Variants in QSOX1 observed in about 807,000 individuals in gnomAD.
QSOX1 encodes quiescin sulfhydryl oxidase 1.
A neutral mutation model predicts 76.1 loss-of-function variants in QSOX1; 40 were observed. That is an observed-to-expected ratio of 0.53 (90% CI 0.41 to 0.68). The LOEUF (loss-of-function observed/expected upper bound fraction) is 0.68, where lower values mean the gene tolerates loss of function less well. Ranked by LOEUF, QSOX1 falls within the 30% of genes least tolerant of loss-of-function variation. The probability of loss-of-function intolerance (pLI) is 0.00; values close to 1 mark genes in which losing one functional copy is unlikely to be tolerated. For synonymous variants in QSOX1, 392 were observed against 413.1 expected (o/e 0.95, Z 0.62); for missense variants, 931 against 974.3 (o/e 0.96, Z 0.59).
At chr1:180,183,252 C>T (rs1367163582) in intron 6 of QSOX1, among the ~76,000 whole-genome samples, 1 of 152,112 alleles carries the variant, frequency 6.6e-6, no homozygotes, top group Non-Finnish European at 1.5e-5. Flanking sequence ...GGGCAGCCCT[C>T]ACGCTGCTGC....
chr1:180,166,950 A>T (rs1662644738), intron 2 of QSOX1, among the ~76,000 whole-genome samples: 2 of 152,232 alleles, frequency 1.3e-5, no homozygotes, highest in Admixed American at 6.5e-5. Context: ...AACCACAGGT[A>T]GCTAAGAAGG....
chr1:180,196,842 G>A lies in QSOX1; in HGVS notation c.2049G>A (p.Glu683=), dbSNP rs767152786. 2 of 1,607,074 alleles carry A rather than the reference G, an allele frequency of 1.2e-6. No homozygotes were observed. The highest frequency in any genetic ancestry group is 3.4e-5 in the Admixed American group (2 of 59,630). Residue 683 remains glutamate (E), a synonymous_variant, in exon 12 of 12, where the codon GAG becomes GAA. Coordinates refer to ENST00000367602, the MANE Select transcript of QSOX1 (RefSeq NM_002826.5). The surrounding 1 kb of genome is among the most constrained non-coding windows in gnomAD (Gnocchi z 4.1). ...RSSKQLVDIP[E]GQLEARAGRG... Reference sequence around the variant, plus strand: ...CCAAGCAGCTGGTCGACATCCCTGAGGGCCAGCTGGAGGCCCGAGCTGGAC... The same window carrying A: ...CCAAGCAGCTGGTCGACATCCCTGAAGGCCAGCTGGAGGCCCGAGCTGGAC...
At chr1:180,189,492 G>A in intron 8 of QSOX1, 60 bp from the exon 9 acceptor site, 1 of 1,422,690 alleles carries the variant, frequency 7.0e-7, no homozygotes, top group Non-Finnish European at 9.3e-7. Flanking sequence ...ACCATCTGCA[G>A]GACGGGGAAC....
intron 8 of QSOX1, among the ~76,000 whole-genome samples, chr1:180,188,979 C>T (rs1321423063): frequency 1.3e-5 from 2 of 152,246 alleles, no homozygotes; most frequent in Admixed American, 6.5e-5. Flanking sequence ...AGTAGCTTTT[C>T]ATGCTCCTCA....
chr1:180,156,342 C>T (rs752659773), intron 1 of QSOX1, among the ~76,000 whole-genome samples: 11 of 152,208 alleles, frequency 7.2e-5, no homozygotes, highest in Non-Finnish European at 1.6e-4. Flanking sequence ...TGCTAGGTCG[C>T]TAGCACGGCC....
At position 180,190,513 on chromosome 1, in the gene QSOX1, G is replaced by A. The variant is rs376323339; in HGVS notation, c.1221G>A (p.Leu407=). Residue 407 remains leucine (L), a synonymous_variant, in exon 10 of 12, where the codon CTG becomes CTA. Transcript: ENST00000367602. ...EPHFRGFPCS[L]WVLFHFLTVQ... ...ATTTCCGGGGCTTTCCCTGCTCCCT[G>A]TGGGTCCTCTTCCACTTCTTGACTG... The A allele has an allele frequency of 4.3e-6, 7 of 1,614,090 alleles. No homozygotes were observed. In the African/African-American group the frequency reaches 6.7e-5, roughly 15 times the overall value.
intron 9 of QSOX1, 87 bp from the exon 10 acceptor site, chr1:180,190,335 CCTCATTTGTCT>C (rs1663277566): frequency 1.5e-6 from 2 of 1,347,954 alleles, no homozygotes; most frequent in Non-Finnish European, 2.1e-6. Context: ...GACTGAGGGA[CCTCATTTGTCT>C]TAGGGCTGTC....
chr1:180,181,735 G>A (rs1165512349), intron 5 of QSOX1, among the ~76,000 whole-genome samples: 1 of 152,142 alleles, frequency 6.6e-6, no homozygotes, highest in Non-Finnish European at 1.5e-5. Flanking sequence ...AAAATGTTAT[G>A]AGAAGGCCCT....
chr1:180,168,454 G>T (rs1662683996), intron 2 of QSOX1, among the ~76,000 whole-genome samples: 1 of 152,244 alleles, frequency 6.6e-6, no homozygotes, highest in African/African-American at 2.4e-5. Flanking sequence ...GGCACCCAGT[G>T]CCCAGTCCAT....
chr1:180,190,652 G>T, intron 10 of QSOX1, 72 bp downstream of exon 10: 1 of 1,436,284 alleles, frequency 7.0e-7, no homozygotes, highest in Non-Finnish European at 9.2e-7. Flanking sequence ...GGGAGAGGGG[G>T]CAGGGAAGCT....
intron 2 of QSOX1, among the ~76,000 whole-genome samples, chr1:180,170,077 C>T (rs1346888819): frequency 1.3e-5 from 2 of 152,104 alleles, no homozygotes; most frequent in Admixed American, 1.3e-4. Flanking sequence ...GGCAGAGGCT[C>T]ATGTTGAGGG....
In QSOX1 at chr1:180,154,920, A is replaced by G. The variant is rs1662334937; in HGVS notation, c.13A>G (p.Asn5Asp). The G allele has an allele frequency of 1.4e-6, 2 of 1,463,560 alleles. No homozygotes were observed. Among genetic ancestry groups the G allele is most frequent in the East Asian group, 2.9e-5 (1 of 34,974 alleles). The allele number at this position is 1,463,560 out of a possible 1,614,324, so 90.7% of individuals were successfully genotyped here. A position where few individuals can be genotyped will look rare whatever the true frequency, so the allele number is the denominator to read the frequency against. The change falls in exon 1 of 12, where the codon AAC becomes GAC. Residue 5 changes from asparagine to aspartate, a missense_variant. Transcript: ENST00000367602. The part of the protein sequence containing the change: MRRC[N>D]SGSGPPPSLL... ...CGCAGCGCCGAGGATGAGGAGGTGCAACAGCGGCTCCGGGCCGCCGCCGTC... is the reference window on the plus strand; with the variant it reads ...CGCAGCGCCGAGGATGAGGAGGTGCGACAGCGGCTCCGGGCCGCCGCCGTC...
chr1:180,178,790 G>A lies in QSOX1; in HGVS notation c.516-4G>A. ...AGAGTGACTGCCAGAATTGTCTCTT[G>A]CAGGCTGGAGGAGATTGATGGATTC... On this transcript the variant is annotated splice_polypyrimidine_tract_variant and splice_region_variant and intron_variant, in intron 4 of 11. Transcript: ENST00000367602. 1 of 1,613,090 alleles carries A rather than the reference G, an allele frequency of 6.2e-7. No individual in the cohort carries two copies. The highest frequency in any genetic ancestry group is 1.7e-5 in the Admixed American group (1 of 60,012).
chr1:180,172,629 C>T (rs1572043259), intron 2 of QSOX1, among the ~76,000 whole-genome samples: 1 of 152,214 alleles, frequency 6.6e-6, no homozygotes, highest in East Asian at 1.9e-4. Flanking sequence ...AAGCAATTCT[C>T]CTGCCTCAGT....
rs979127176 is a variant in QSOX1, at chr1:180,154,899, G to T, written c.-9G>T. 2.6e-5 allele frequency: 37 copies of T among 1,429,446 alleles called. No individual in the cohort carries two copies. The highest frequency in any genetic ancestry group is 6.0e-5 in the African/African-American group (4 of 66,766). 88.5% of individuals were successfully genotyped at this position (1,429,446 alleles called of 1,614,324 possible). A position where few individuals can be genotyped will look rare whatever the true frequency, so the allele number is the denominator to read the frequency against. On this transcript the variant is annotated 5_prime_UTR_variant, in exon 1 of 12. Transcript: ENST00000367602. ...GTGCTTGCGTGTGGTGGTGAGCGCA[G>T]CGCCGAGGATGAGGAGGTGCAACAG...
intron 2 of QSOX1, among the ~76,000 whole-genome samples, chr1:180,172,782 G>A (rs1178548260): frequency 6.6e-6 from 1 of 152,210 alleles, no homozygotes; most frequent in Admixed American, 6.5e-5. Flanking sequence ...GCCTCCCAAA[G>A]TGCTGGGATT....
Position 180,184,056 on chromosome 1 carries a change from G to A in QSOX1, c.887+6G>A. On this transcript the variant is annotated splice_donor_region_variant and intron_variant, in intron 7 of 11. Transcript: ENST00000367602. ...GTTTGGAAATTGGCAGATCGGTAAG[G>A]CTACGCCTGGTTCTCCTCACTTCTT... 6.2e-7 allele frequency: 1 copy of A among 1,613,992 alleles called. No individual in the cohort carries two copies. The highest frequency in any genetic ancestry group is 1.7e-5 in the Admixed American group (1 of 59,996).
rs1237550891 is a variant in QSOX1 at position 180,197,102 on chromosome 1, A to G, written c.*65A>G. On this transcript the variant is annotated 3_prime_UTR_variant, in exon 12 of 12. Coordinates refer to ENST00000367602, the MANE Select transcript of QSOX1 (RefSeq NM_002826.5). The stretch of plus-strand genomic sequence containing the variant: ...TAGGCACCTCAAGCCCCCTGACCCC[A>G]TTCCCTCCCCTCCCACCCCTTGCTC... The G allele has an allele frequency of 6.7e-7, 1 of 1,484,184 alleles. No individual in the cohort carries two copies. The highest frequency in any genetic ancestry group is 9.0e-7 in the Non-Finnish European group (1 of 1,106,140). 91.9% of individuals were successfully genotyped at this position (1,484,184 alleles called of 1,614,324 possible).
chr1:180,165,405 CT>C (rs1662590871), intron 1 of QSOX1, among the ~76,000 whole-genome samples: 1 of 152,244 alleles, frequency 6.6e-6, no homozygotes, highest in Admixed American at 6.5e-5. Context: ...AGTCTGGTCT[CT>C]TCTTGCTCCC....
Sources: gnomAD v4.1 joint callset for allele counts (sites outside exome capture counted in the v4.1 genomes callset) on GRCh38, gnomAD v4.1.1 for gene constraint, Gnocchi (gnomAD v3.1) non-coding constraint, MANE v1.5 for transcripts, NCBI Gene and HGNC (gene_info 2026-07-23, HGNC 2026-07-21) for gene names.